The following MICU3 variants were observed in gnomAD, a reference collection of about 807,000 sequenced individuals.
The protein encoded by MICU3 is mitochondrial calcium uptake 3.
MICU3 carries 62 observed loss-of-function variants against 66.5 expected under a neutral mutation model. The ratio of observed to expected loss-of-function variants is 0.93; its 90% CI spans 0.76 to 1.15. The LOEUF is 1.15. Ranked by LOEUF, MICU3 falls within the 50% of genes most tolerant of loss-of-function variation. MICU3 has a pLI of 0.00. For synonymous variants in MICU3, 308 were observed against 240.7 expected, an observed-to-expected ratio of 1.28 and a Z score of -2.59; for missense variants, 779 against 664.4, an observed-to-expected ratio of 1.17 and a Z score of -1.90.
intron 9 of MICU3, among the ~76,000 whole-genome samples, chr8:17,099,970 A>G (rs1187433168): frequency 6.6e-6 from 1 of 151,836 alleles, no homozygotes; most frequent in Non-Finnish European, 1.5e-5. Context: ...TAATATCAGA[A>G]AACCAGTCAG....
intron 7 of MICU3, 57 bp downstream of exon 7, chr8:17,087,092 C>T (rs1799556013): frequency 9.0e-7 from 1 of 1,116,818 alleles, no homozygotes; most frequent in Non-Finnish European, 1.3e-6. Flanking sequence ...TTATTTTATT[C>T]ATGTTAAGAA....
chr8:17,050,988 C>G (rs908622465), intron 1 of MICU3, among the ~76,000 whole-genome samples: 1 of 152,132 alleles, frequency 6.6e-6, no homozygotes, highest in African/African-American at 2.4e-5. Context: ...TTATTTCTCT[C>G]CCTCGAGTAG....
At chr8:17,055,907 G>A (rs911063926) in intron 1 of MICU3, among the ~76,000 whole-genome samples, 4 of 152,304 alleles carry the variant, frequency 2.6e-5, no homozygotes, top group East Asian at 1.9e-4. Flanking sequence ...GGAGATGATC[G>A]TTTTTGGATA....
chr8:17,069,791 A>G lies in MICU3; in HGVS notation c.567+72A>G, dbSNP rs1204456426. ...GCATATATACATATATAATTAAAATATATTTCATAAAATATATTATGTATT... is the reference window on the plus strand; with the variant it reads ...GCATATATACATATATAATTAAAATGTATTTCATAAAATATATTATGTATT... On this transcript the variant is annotated intron_variant, in intron 3 of 14. Coordinates refer to ENST00000318063, the MANE Select transcript of MICU3 (RefSeq NM_181723.3). 5 of 502,580 alleles carry G rather than the reference A, an allele frequency of 9.9e-6. No homozygotes were observed. The African/African-American group carries it at 1.0e-4, about 10-fold the overall frequency. 31.1% of individuals were successfully genotyped at this position (502,580 alleles called of 1,614,324 possible). A position where few individuals can be genotyped will look rare whatever the true frequency, so the allele number is the denominator to read the frequency against.
At position 17,078,270 on chromosome 8, in the gene MICU3, C is replaced by T. The variant is rs17686834; in HGVS notation, c.646+409C>T. On this transcript the variant is annotated intron_variant, in intron 4 of 14. Coordinates refer to ENST00000318063, the MANE Select transcript of MICU3 (RefSeq NM_181723.3). ...TTGCTCTGAGTGAATTATAGATGCT[C>T]CTAAACTAATTAACAGGAAAAATTT... Among the ~76,000 whole-genome samples the T allele has an allele frequency of 8.7e-3, 1,326 of 152,000 alleles. 43 individuals carry two copies. Among genetic ancestry groups the T allele is most frequent in the East Asian group, 0.07 (362 of 5,170 alleles).
At chr8:17,117,868 C>A (rs771952125) in intron 13 of MICU3, among the ~76,000 whole-genome samples, 1 of 152,150 alleles carries the variant, frequency 6.6e-6, no homozygotes, top group Non-Finnish European at 1.5e-5. Context: ...CCTTGGCCTC[C>A]CAAGTGCTGG....
chr8:17,090,631 G>T, intron 8 of MICU3, 47 bp downstream of exon 8: 2 of 1,369,898 alleles, frequency 1.5e-6, no homozygotes, highest in Non-Finnish European at 1.0e-6. Context: ...GCCCTCACCT[G>T]TTATACTTGA....
intron 11 of MICU3, among the ~76,000 whole-genome samples, chr8:17,112,245 A>G (rs1802271723): frequency 6.6e-6 from 1 of 152,102 alleles, no homozygotes; most frequent in Non-Finnish European, 1.5e-5. Flanking sequence ...TTATTCCGGT[A>G]CTCTCAGTGC....
intron 6 of MICU3, 80 bp downstream of exon 6, chr8:17,085,398 T>C (rs775344871): frequency 1.1e-6 from 1 of 888,262 alleles, no homozygotes; most frequent in East Asian, 2.6e-5. Flanking sequence ...TTATTGGGAG[T>C]ACTACTGTAG....
intron 1 of MICU3, among the ~76,000 whole-genome samples, chr8:17,032,766 G>A (rs1812313167): frequency 6.6e-6 from 1 of 152,138 alleles, no homozygotes; most frequent in African/African-American, 2.4e-5. Flanking sequence ...ACAAGTTCAA[G>A]ATTTGTGGCA....
chr8:17,118,656 G>T (rs755693949), intron 13 of MICU3, 51 bp from the exon 14 acceptor site: 8 of 1,149,154 alleles, frequency 7.0e-6, no homozygotes, highest in South Asian at 1.4e-5. Context: ...GTGAAATCAC[G>T]CTGTATTTGT....
Position 17,104,427 on chromosome 8 carries a change from A to G in MICU3, c.1021A>G (p.Thr341Ala), listed in dbSNP as rs1189515796. The G allele has an allele frequency of 6.8e-7, 1 of 1,460,096 alleles. No individual in the cohort carries two copies. The highest frequency in any genetic ancestry group is 9.2e-7 in the Non-Finnish European group (1 of 1,085,238). 90.4% of individuals were successfully genotyped at this position (1,460,096 alleles called of 1,614,324 possible). ...CATCACAAGTTTAGTAACAGATACT[A>G]CACTTCTTGTACACTTTTTTGGAAA... ...DDITSLVTDT[T>A]LLVHFFGKKG... The change falls in exon 10 of 15, where the codon ACA becomes GCA. Residue 341 changes from threonine to alanine, a missense_variant. Coordinates refer to ENST00000318063, the MANE Select transcript of MICU3 (RefSeq NM_181723.3).
chr8:17,046,968 C>T (rs1350771425), intron 1 of MICU3, among the ~76,000 whole-genome samples: 1 of 152,116 alleles, frequency 6.6e-6, no homozygotes, highest in Non-Finnish European at 1.5e-5. Context: ...AAGCCCTTAA[C>T]ACTGGCCATA....
At chr8:17,037,278 G>A (rs9942816) in intron 1 of MICU3, among the ~76,000 whole-genome samples, 15,654 of 152,230 alleles carry the variant, frequency 0.1, 872 homozygotes, top group South Asian at 0.22. Context: ...GTGCAGCGGC[G>A]GGCCGAAGAG....
intron 1 of MICU3, among the ~76,000 whole-genome samples, chr8:17,043,186 G>T (rs375004656): frequency 2.0e-5 from 3 of 151,806 alleles, no homozygotes; most frequent in African/African-American, 7.3e-5. Flanking sequence ...TGATCCGCCC[G>T]CCTCGGCCTC....
intron 8 of MICU3, among the ~76,000 whole-genome samples, chr8:17,095,072 G>C (rs1205331378): frequency 6.6e-6 from 1 of 151,866 alleles, no homozygotes; most frequent in Admixed American, 6.6e-5. Flanking sequence ...ATTTTTGATA[G>C]TCTGTTTTTC....
intron 1 of MICU3, among the ~76,000 whole-genome samples, chr8:17,054,709 A>G (rs1816628670): frequency 6.6e-6 from 1 of 151,410 alleles, no homozygotes; most frequent in Non-Finnish European, 1.5e-5. Context: ...GACCAGACCC[A>G]AATGTTTTCT....
chr8:17,047,041 G>C (rs1486542560), intron 1 of MICU3, among the ~76,000 whole-genome samples: 1 of 151,522 alleles, frequency 6.6e-6, no homozygotes, highest in Non-Finnish European at 1.5e-5. Context: ...CAAAATATAT[G>C]AAGTTCTGTG....
chr8:17,076,100 C>T (rs1200244745), intron 3 of MICU3, among the ~76,000 whole-genome samples: 1 of 152,072 alleles, frequency 6.6e-6, no homozygotes, highest in East Asian at 1.9e-4. Context: ...GATCATGGCT[C>T]ACTATAGCCT....
Sources: gnomAD v4.1 joint callset for allele counts (sites outside exome capture counted in the v4.1 genomes callset) on GRCh38, gnomAD v4.1.1 for gene constraint, MANE v1.5 for transcripts, NCBI Gene and HGNC (gene_info 2026-07-23, HGNC 2026-07-21) for gene names.